Variants in FGF18 observed in about 807,000 individuals in gnomAD.
The protein encoded by FGF18 is fibroblast growth factor 18.
Under a neutral mutation model 23.0 loss-of-function variants are expected in FGF18, and 5 were observed. The observed-to-expected ratio is 0.22, with a 90% CI of 0.11 to 0.46. The LOEUF (loss-of-function observed/expected upper bound fraction) is 0.46. Ranked by LOEUF, FGF18 falls within the 20% of genes least tolerant of loss-of-function variation. FGF18 has a pLI of 0.99. For missense variants in FGF18, 180 were observed against 291.6 expected (o/e 0.62, Z 2.79); for synonymous variants, 117 against 118.9 (o/e 0.98, Z 0.10).
intron 2 of FGF18, among the ~76,000 whole-genome samples, chr5:171,428,051 G>C (rs1248886357): frequency 6.6e-6 from 1 of 152,186 alleles, no homozygotes; most frequent in East Asian, 1.9e-4. Context: ...TTGGCATAGC[G>C]CCTGGCTCAT....
intron 2 of FGF18, among the ~76,000 whole-genome samples, chr5:171,431,430 C>T (rs137919340): frequency 6.6e-6 from 1 of 152,110 alleles, no homozygotes; most frequent in Admixed American, 6.5e-5. Flanking sequence ...GGGCTCTGTG[C>T]CACTGAGCCC....
chr5:171,421,340 G>T (rs909699863), intron 2 of FGF18, among the ~76,000 whole-genome samples: 2 of 152,084 alleles, frequency 1.3e-5, no homozygotes, highest in African/African-American at 4.8e-5. Flanking sequence ...GGGTCGGGGG[G>T]CGGCGGGCAA....
intron 2 of FGF18, among the ~76,000 whole-genome samples, chr5:171,432,448 A>G (rs1029812694): frequency 6.6e-6 from 1 of 151,988 alleles, no homozygotes; most frequent in Non-Finnish European, 1.5e-5. Context: ...TCACTCTATC[A>G]CCCAGGCTGG....
intron 3 of FGF18, among the ~76,000 whole-genome samples, chr5:171,447,820 T>C (rs536451101): frequency 3.7e-3 from 560 of 152,298 alleles, no homozygotes; most frequent in Non-Finnish European, 6.0e-3. Flanking sequence ...ATTTTTGTTA[T>C]GGAGAAGCAA....
intron 2 of FGF18, among the ~76,000 whole-genome samples, chr5:171,426,057 G>A (rs568510112): frequency 1.3e-5 from 2 of 152,250 alleles, no homozygotes; most frequent in South Asian, 4.1e-4. Flanking sequence ...TCTTTGCTGT[G>A]TGACCTCGGG....
rs973758768 is a variant in FGF18 at position 171,457,001 on chromosome 5, G to A, written c.*196G>A. ...ATTTTATTGTTGACTTGAAACCCCCGATGACAAAAGACTCACGCAAAGGGA... is the reference window on the plus strand; with the variant it reads ...ATTTTATTGTTGACTTGAAACCCCCAATGACAAAAGACTCACGCAAAGGGA... On this transcript the variant is annotated 3_prime_UTR_variant, in exon 5 of 5. Transcript: ENST00000274625. 5 of 667,378 alleles carry A rather than the reference G, an allele frequency of 7.5e-6. No homozygotes were observed. The highest frequency in any genetic ancestry group is 4.2e-4 in the Middle Eastern group (1 of 2,392). 41.3% of individuals were successfully genotyped at this position (667,378 alleles called of 1,614,324 possible).
Position 171,456,711 on chromosome 5 carries a change from G to T in FGF18, c.530G>T (p.Arg177Leu). The T allele has an allele frequency of 6.2e-7, 1 of 1,613,934 alleles. No individual in the cohort carries two copies. The highest frequency in any genetic ancestry group is 8.5e-7 in the Non-Finnish European group (1 of 1,179,998). Residue 177 changes from arginine to leucine, a missense_variant, in exon 5 of 5, where the codon CGC (arginine) becomes CTC (leucine). Physicochemically the swap from Arg to Leu is moderately radical, Grantham distance 102. This residue lies in a region of FGF18 where 83 missense variants were observed against 190.4 expected (regional missense o/e 0.44). Transcript: ENST00000274625. The surrounding 1 kb of genome is among the most constrained non-coding windows in gnomAD (Gnocchi z 6.1). The part of the protein sequence containing the change: ...ENQQDVHFMK[R>L]YPKGQPELQK... The stretch of plus-strand genomic sequence containing the variant: ...CAGCAGGACGTGCATTTCATGAAGC[G>T]CTACCCCAAGGGGCAGCCGGAGCTT...
At chr5:171,425,817 A>C (rs1454472674) in intron 2 of FGF18, among the ~76,000 whole-genome samples, 1 of 152,200 alleles carries the variant, frequency 6.6e-6, no homozygotes, top group Non-Finnish European at 1.5e-5. Flanking sequence ...GGCATGAGCC[A>C]CTGCGCCTGG....
At chr5:171,452,222 G>A (rs1026434606) in intron 4 of FGF18, among the ~76,000 whole-genome samples, 2 of 152,230 alleles carry the variant, frequency 1.3e-5, no homozygotes, top group African/African-American at 4.8e-5. Context: ...TTAGTAAGCA[G>A]GTAGGCACTT....
intron 2 of FGF18, among the ~76,000 whole-genome samples, chr5:171,425,467 C>T (rs533734654): frequency 3.3e-5 from 5 of 151,724 alleles, no homozygotes; most frequent in East Asian, 1.9e-4. Flanking sequence ...GTGATCCACC[C>T]GCCTCGGACT....
intron 4 of FGF18, among the ~76,000 whole-genome samples, chr5:171,453,139 C>T (rs553045913): frequency 4.9e-4 from 75 of 152,270 alleles, no homozygotes; most frequent in Middle Eastern, 3.4e-3. Context: ...TTCCGGGGGT[C>T]GGGCCCAAGC....
At chr5:171,432,127 G>C (rs1331624816) in intron 2 of FGF18, among the ~76,000 whole-genome samples, 2 of 152,324 alleles carry the variant, frequency 1.3e-5, no homozygotes, top group Non-Finnish European at 2.9e-5. Context: ...TGGATGCCTG[G>C]AGGGGTGTTA....
intron 2 of FGF18, among the ~76,000 whole-genome samples, chr5:171,431,135 G>A (rs549583270): frequency 2.7e-4 from 41 of 152,226 alleles, no homozygotes; most frequent in Non-Finnish European, 4.6e-4. Flanking sequence ...CTTCAAGCCA[G>A]AGGGAGTGAT....
At chr5:171,432,645 G>C (rs547299965) in intron 2 of FGF18, among the ~76,000 whole-genome samples, 4 of 152,218 alleles carry the variant, frequency 2.6e-5, no homozygotes, top group African/African-American at 9.6e-5. Context: ...CCTCAAGCTG[G>C]TCTTGAACTC....
rs1346613762 is a variant in FGF18 at position 171,456,257 on chromosome 5, G to C, written c.358-282G>C. ...CCCTCAGGTGATGTCTGGTCACCCTGGCCTGTCCTCAGCAAAGTCTCTGTT... is the reference window on the plus strand; with the variant it reads ...CCCTCAGGTGATGTCTGGTCACCCTCGCCTGTCCTCAGCAAAGTCTCTGTT... On this transcript the variant is annotated intron_variant, in intron 4 of 4. Transcript: ENST00000274625. The surrounding 1 kb of genome is among the most constrained non-coding windows in gnomAD (Gnocchi z 6.1). Among the ~76,000 whole-genome samples, 1 of 152,144 alleles carries C rather than the reference G, an allele frequency of 6.6e-6. No homozygotes were observed. The highest frequency in any genetic ancestry group is 2.4e-5 in the African/African-American group (1 of 41,428).
intron 3 of FGF18, among the ~76,000 whole-genome samples, chr5:171,439,344 G>A (rs929927738): frequency 6.6e-6 from 1 of 152,246 alleles, no homozygotes; most frequent in Non-Finnish European, 1.5e-5. Flanking sequence ...AGGAATAAGG[G>A]ACTTTCTTAG....
At chr5:171,423,139 C>T (rs935654706) in intron 2 of FGF18, among the ~76,000 whole-genome samples, 2 of 152,158 alleles carry the variant, frequency 1.3e-5, no homozygotes, top group African/African-American at 2.4e-5. Context: ...CCCCCAGCTA[C>T]GTTTCCATGA....
chr5:171,435,451 G>A (rs1160820293), intron 2 of FGF18, among the ~76,000 whole-genome samples: 1 of 152,162 alleles, frequency 6.6e-6, no homozygotes, highest in East Asian at 1.9e-4. Flanking sequence ...CTGAAGTTTT[G>A]GTGGCAGATG....
chr5:171,454,739 C>T (rs565118216), intron 4 of FGF18, among the ~76,000 whole-genome samples: 45 of 152,358 alleles, frequency 3.0e-4, no homozygotes, highest in East Asian at 1.7e-3. Flanking sequence ...ACAGCCAGAC[C>T]GCTGGGCTTC....
Sources: gnomAD v4.1 joint callset for allele counts (sites outside exome capture counted in the v4.1 genomes callset) on GRCh38, gnomAD v4.1.1 for gene constraint, gnomAD v4.1.1 regional missense constraint, Gnocchi (gnomAD v3.1) non-coding constraint, MANE v1.5 for transcripts, NCBI Gene and HGNC (gene_info 2026-07-23, HGNC 2026-07-21) for gene names.